Variants in COL4A4 observed in about 807,000 individuals in gnomAD.
The protein encoded by COL4A4 is collagen alpha-4(IV) chain.
COL4A4 carries 105 observed loss-of-function variants against 192.9 expected under a neutral mutation model. The observed-to-expected ratio is 0.54, with a 90% CI of 0.46 to 0.64. The LOEUF is 0.64. Ranked by LOEUF, COL4A4 falls within the 30% of genes least tolerant of loss-of-function variation. The pLI, the probability that COL4A4 is intolerant of heterozygous loss-of-function variation, is 0.00. For synonymous variants in COL4A4, 762 were observed against 769.9 expected (o/e 0.99, Z 0.17); for missense variants, 1,967 against 2,169.3 (o/e 0.91, Z 1.85).
chr2:227,054,599 G>A lies in COL4A4; in HGVS notation c.2855C>T (p.Ala952Val), dbSNP rs766386122. 3.1e-6 allele frequency: 5 copies of A among 1,613,852 alleles called. No homozygotes were observed. In the South Asian group the frequency reaches 4.4e-5, roughly 14 times the overall value. Residue 952 changes from alanine (A) to valine (V), a missense_variant, in exon 31 of 48, where the codon GCC (alanine) becomes GTC (valine). By Grantham distance (64) the Ala-to-Val change is moderately conservative. Coordinates refer to ENST00000396625, the MANE Select transcript of COL4A4 (RefSeq NM_000092.5). ...CATGGCTGTATTTTATTTACCTTTG[G>A]CCCCTCTCAGTCCCCGGTCTCCAGG... is the stretch of plus-strand genomic sequence containing the variant. ...GLPGDRGLRG[A>V]KGAIGPPGDE...
chr2:227,100,993 A>T (rs1361510378), intron 17 of COL4A4, among the ~76,000 whole-genome samples: 2 of 152,004 alleles, frequency 1.3e-5, no homozygotes, highest in Non-Finnish European at 2.9e-5. Flanking sequence ...TATTTTTAGT[A>T]GAGACGGGGT....
At chr2:227,116,435 G>A (rs538657704) in intron 7 of COL4A4, among the ~76,000 whole-genome samples, 8 of 152,282 alleles carry the variant, frequency 5.3e-5, no homozygotes, top group African/African-American at 1.7e-4. Flanking sequence ...CCCTGCACAC[G>A]TATTATTCAG....
chr2:227,149,666 AAAAC>A (rs1442521887), intron 1 of COL4A4, among the ~76,000 whole-genome samples: 2 of 152,238 alleles, frequency 1.3e-5, no homozygotes, highest in African/African-American at 4.8e-5. Context: ...AAATTAAAGA[AAAAC>A]AAGAGGTATT....
chr2:226,982,804 G>A, the COL4A4 span, among the ~76,000 whole-genome samples: 2 of 152,262 alleles, frequency 1.3e-5, no homozygotes, highest in East Asian at 3.9e-4. Context: ...TATGTACCAG[G>A]CACCAGGGAT....
chr2:227,146,354 T>A (rs1035258184), intron 2 of COL4A4, among the ~76,000 whole-genome samples: 1 of 152,014 alleles, frequency 6.6e-6, no homozygotes, highest in Non-Finnish European at 1.5e-5. Context: ...CCACCCCAAA[T>A]CAGTTAAGAC....
intron 25 of COL4A4, among the ~76,000 whole-genome samples, 192 bp downstream of exon 25, chr2:227,077,702 A>T (rs1435448020): frequency 6.6e-6 from 1 of 151,766 alleles, no homozygotes; most frequent in Non-Finnish European, 1.5e-5. Context: ...ATACTGAGAA[A>T]AAAAAAAAGA....
the COL4A4 span, chr2:226,995,445 A>G: frequency 6.2e-7 from 1 of 1,611,778 alleles, no homozygotes; most frequent in South Asian, 1.1e-5. Context: ...TACCAGAAAT[A>G]GCCCACCACC....
chr2:227,106,271 A>G (rs1390149315), intron 12 of COL4A4, among the ~76,000 whole-genome samples: 1 of 152,162 alleles, frequency 6.6e-6, no homozygotes, highest in Non-Finnish European at 1.5e-5. Context: ...AAAGATAGCC[A>G]CTCTTATTCT....
At position 227,007,641 on chromosome 2, in the gene COL4A4, G is replaced by T; in HGVS notation, c.4810-53C>A. ...GCTCAGACACACACAGACAACCCCAGACCCAATCAGGGACACACCCAGGTT... is the reference window on the plus strand; with the variant it reads ...GCTCAGACACACACAGACAACCCCATACCCAATCAGGGACACACCCAGGTT... On this transcript the variant is annotated intron_variant, in intron 47 of 47. Coordinates refer to ENST00000396625, the MANE Select transcript of COL4A4 (RefSeq NM_000092.5). 2.5e-6 allele frequency: 4 copies of T among 1,609,860 alleles called. No homozygotes were observed. The South Asian group carries it at 4.4e-5, about 18-fold the overall frequency.
At chr2:227,041,846 A>AAGAAAGAAAGAAAGAGAGAGAGAG (rs1559478097) in intron 37 of COL4A4, among the ~76,000 whole-genome samples, 8 of 39,316 alleles carry the variant, frequency 2.0e-4, no homozygotes, top group Non-Finnish European at 3.1e-4. Flanking sequence ...GAAAGAAAGA[A>AAGAAAGAAAGAAAGAGAGAGAGAG]AGAGAAAGAA....
chr2:227,149,674 A>G (rs2063787252), intron 1 of COL4A4, among the ~76,000 whole-genome samples: 1 of 152,248 alleles, frequency 6.6e-6, no homozygotes, highest in Admixed American at 6.5e-5. Flanking sequence ...GAAAAACAAG[A>G]GGTATTTACA....
At position 227,098,748 on chromosome 2, in the gene COL4A4, C is replaced by T. The variant is rs763210833; in HGVS notation, c.1150G>A (p.Val384Ile). 3 of 1,614,028 alleles carry T rather than the reference C, an allele frequency of 1.9e-6. No homozygotes were observed. The highest frequency in any genetic ancestry group is 2.5e-6 in the Non-Finnish European group (3 of 1,180,018). Residue 384 changes from valine (V) to isoleucine (I), a missense_variant, in exon 19 of 48, where the codon GTT (valine) becomes ATT (isoleucine). Coordinates refer to ENST00000396625, the MANE Select transcript of COL4A4 (RefSeq NM_000092.5). ...FPGRYGETGD[V>I]GPPGPPGLLG... The stretch of plus-strand genomic sequence containing the variant: ...AGACCTGGGGGACCAGGTGGTCCAA[C>T]ATCCCCTGTTTCTCCATAGCGGCCA...
At chr2:227,055,601 T>G (rs1307716381) in intron 30 of COL4A4, among the ~76,000 whole-genome samples, 1 of 152,154 alleles carries the variant, frequency 6.6e-6, no homozygotes, top group Non-Finnish European at 1.5e-5. Context: ...GGCCCTGATG[T>G]GTCTGAGTCC....
intron 25 of COL4A4, among the ~76,000 whole-genome samples, chr2:227,067,537 C>G (rs911636772): frequency 5.9e-5 from 9 of 152,242 alleles, no homozygotes; most frequent in African/African-American, 2.2e-4. Context: ...ACAATGCAAT[C>G]AAACTAGAAC....
chr2:227,026,416 G>A (rs1472473032), intron 42 of COL4A4, among the ~76,000 whole-genome samples: 15 of 151,722 alleles, frequency 9.9e-5, no homozygotes, highest in East Asian at 5.9e-4. Context: ...GAGAACGGGC[G>A]TGAACCCGGG....
At chr2:227,035,283 T>C (rs1181844061) in intron 37 of COL4A4, among the ~76,000 whole-genome samples, 1 of 152,214 alleles carries the variant, frequency 6.6e-6, no homozygotes, top group Non-Finnish European at 1.5e-5. Context: ...GTATGCCATA[T>C]CTTTCTTTAA....
intron 40 of COL4A4, among the ~76,000 whole-genome samples, chr2:227,031,097 AT>A (rs1968290266): frequency 2.2e-5 from 3 of 136,968 alleles, no homozygotes; most frequent in Admixed American, 7.4e-5. Context: ...ATAGACAGGC[AT>A]TTGAGGAAAT....
At position 227,007,725 on chromosome 2, in the gene COL4A4, T is replaced by G; in HGVS notation, c.4810-137A>C. The stretch of plus-strand genomic sequence containing the variant: ...TCCATAAAGAACAAAATACAAGCGC[T>G]GAAAAGGAGTCGTACTCAGCATGGT... On this transcript the variant is annotated intron_variant, in intron 47 of 47. Transcript: ENST00000396625. The G allele has an allele frequency of 2.5e-6, 3 of 1,218,600 alleles. 1 individual carries two copies. The highest frequency in any genetic ancestry group is 2.8e-5 in the South Asian group (2 of 70,608). The allele number at this position is 1,218,600 out of a possible 1,614,324, so 75.5% of individuals were successfully genotyped here. A position where few individuals can be genotyped will look rare whatever the true frequency, so the allele number is the denominator to read the frequency against.
At chr2:227,083,605 C>T (rs1452379146) in intron 22 of COL4A4, among the ~76,000 whole-genome samples, 1 of 152,102 alleles carries the variant, frequency 6.6e-6, no homozygotes, top group Non-Finnish European at 1.5e-5. Flanking sequence ...TGCCACCATG[C>T]CTGGCTAATT....
Sources: gnomAD v4.1 joint callset for allele counts (sites outside exome capture counted in the v4.1 genomes callset) on GRCh38, gnomAD v4.1.1 for gene constraint, MANE v1.5 for transcripts, NCBI Gene and HGNC (gene_info 2026-07-23, HGNC 2026-07-21) for gene names.